Variants in SPMIP2 observed in about 807,000 individuals in gnomAD.
The protein encoded by SPMIP2 is protein SPMIP2.
the SPMIP2 span, among the ~76,000 whole-genome samples, chr4:159,060,918 T>C: frequency 1.3e-5 from 2 of 151,190 alleles, no homozygotes; most frequent in Admixed American, 6.6e-5. Context: ...AATCCTATAT[T>C]AAGAAAAAAT....
chr4:159,055,525 G>A, the SPMIP2 span, among the ~76,000 whole-genome samples: 2 of 151,940 alleles, frequency 1.3e-5, no homozygotes, highest in Admixed American at 6.6e-5. Context: ...CTGGGCAACC[G>A]GGCAAAACCG....
chr4:158,980,148 T>A, the SPMIP2 span, among the ~76,000 whole-genome samples: 1 of 152,048 alleles, frequency 6.6e-6, no homozygotes, highest in Non-Finnish European at 1.5e-5. Context: ...CCAGACTGCC[T>A]CTCTAGATTC....
At chr4:158,966,076 T>C in the SPMIP2 span, among the ~76,000 whole-genome samples, 81 of 152,226 alleles carry the variant, frequency 5.3e-4, no homozygotes, top group Non-Finnish European at 7.9e-4. Flanking sequence ...GTGGTCATAG[T>C]GGATTCCTAT....
chr4:159,070,802 TG>T, the SPMIP2 span, among the ~76,000 whole-genome samples: 1 of 152,204 alleles, frequency 6.6e-6, no homozygotes. Flanking sequence ...CTGAAAGATA[TG>T]AGTGAAAACT....
At chr4:159,058,004 C>T in the SPMIP2 span, among the ~76,000 whole-genome samples, 2 of 151,978 alleles carry the variant, frequency 1.3e-5, no homozygotes, top group African/African-American at 4.8e-5. Flanking sequence ...AGCTGGGATC[C>T]GAGCTGCATG....
chr4:158,964,202 G>A, the SPMIP2 span, among the ~76,000 whole-genome samples: 1 of 147,476 alleles, frequency 6.8e-6, no homozygotes. Context: ...AACATGTGGA[G>A]GGATCATGGA....
chr4:159,028,368 T>C, the SPMIP2 span, among the ~76,000 whole-genome samples: 1 of 152,236 alleles, frequency 6.6e-6, no homozygotes, highest in Non-Finnish European at 1.5e-5. Flanking sequence ...CCTTGCTCTG[T>C]TGGCCAGGCT....
the SPMIP2 span, among the ~76,000 whole-genome samples, chr4:158,965,125 CA>C: frequency 6.6e-6 from 1 of 151,918 alleles, no homozygotes; most frequent in South Asian, 2.1e-4. Context: ...TGGGTGGAAA[CA>C]AAAAACGAAA....
the SPMIP2 span, among the ~76,000 whole-genome samples, chr4:158,957,710 C>G: frequency 2.6e-5 from 4 of 152,302 alleles, no homozygotes; most frequent in Non-Finnish European, 4.4e-5. Context: ...CAGGCGTGAG[C>G]CACTGTGCCC....
the SPMIP2 span, among the ~76,000 whole-genome samples, chr4:158,959,953 C>T: frequency 2.0e-5 from 3 of 152,102 alleles, no homozygotes; most frequent in Non-Finnish European, 4.4e-5. Flanking sequence ...ATTGTTTCTT[C>T]CACAGAGATA....
chr4:158,944,555 C>A, the SPMIP2 span, among the ~76,000 whole-genome samples: 1 of 152,134 alleles, frequency 6.6e-6, no homozygotes, highest in Non-Finnish European at 1.5e-5. Flanking sequence ...GCAGAAAGAG[C>A]TCTTCAGCAC....
chr4:158,999,176 A>AC, the SPMIP2 span, among the ~76,000 whole-genome samples: 1,395 of 52,036 alleles, frequency 0.027, 15 homozygotes, highest in East Asian at 0.061. Flanking sequence ...GCCTCAAAAA[A>AC]AAAAACAACA....
the SPMIP2 span, among the ~76,000 whole-genome samples, chr4:159,055,344 T>A: frequency 2.0e-5 from 3 of 152,192 alleles, no homozygotes; most frequent in African/African-American, 4.8e-5. Flanking sequence ...CTGAACCATA[T>A]GAGCAAAACT....
the SPMIP2 span, among the ~76,000 whole-genome samples, chr4:159,072,364 C>CTTGGAT: frequency 6.6e-6 from 1 of 151,570 alleles, no homozygotes; most frequent in East Asian, 1.9e-4. Flanking sequence ...TTGAGGACAA[C>CTTGGAT]TTGGATTTGA....
At chr4:158,986,752 A>T in the SPMIP2 span, among the ~76,000 whole-genome samples, 1 of 152,204 alleles carries the variant, frequency 6.6e-6, no homozygotes, top group South Asian at 2.1e-4. Context: ...TGCCAAAAGC[A>T]ATGGCAACAG....
the SPMIP2 span, among the ~76,000 whole-genome samples, chr4:159,080,379 G>C: frequency 6.6e-6 from 1 of 151,924 alleles, no homozygotes; most frequent in Non-Finnish European, 1.5e-5. Flanking sequence ...ACCACACCAG[G>C]CTAATTAAAA....
At chr4:159,023,332 A>T in the SPMIP2 span, among the ~76,000 whole-genome samples, 1 of 152,186 alleles carries the variant, frequency 6.6e-6, no homozygotes, top group Admixed American at 6.5e-5. Flanking sequence ...CTCAGACATC[A>T]GTGTTCCTGG....
the SPMIP2 span, among the ~76,000 whole-genome samples, chr4:158,999,514 A>C: frequency 2.0e-5 from 3 of 152,204 alleles, no homozygotes; most frequent in Non-Finnish European, 4.4e-5. Flanking sequence ...TGTAAGAAAA[A>C]CATGTAAACC....
At chr4:159,013,213 G>A in the SPMIP2 span, among the ~76,000 whole-genome samples, 1 of 152,202 alleles carries the variant, frequency 6.6e-6, no homozygotes, top group Non-Finnish European at 1.5e-5. Context: ...AATGCCATGA[G>A]ATCCAGCCAT....
Sources: gnomAD v4.1 joint callset for allele counts (sites outside exome capture counted in the v4.1 genomes callset) on GRCh38, gnomAD v4.1.1 for gene constraint, MANE v1.5 for transcripts, NCBI Gene and HGNC (gene_info 2026-07-23, HGNC 2026-07-21) for gene names.